Variants in LAMA3 observed in about 807,000 individuals in gnomAD.
The protein encoded by LAMA3 is laminin subunit alpha 3, also known as laminin subunit alpha-3.
In LAMA3, 281 loss-of-function variants were observed where a neutral mutation model predicts 402.0. The observed-to-expected ratio is 0.70, with a 90% CI of 0.63 to 0.77. LAMA3 has a LOEUF of 0.77. Ranked by LOEUF, LAMA3 falls within the 30% of genes least tolerant of loss-of-function variation. The pLI is 0.00. For missense variants in LAMA3, 3,840 were observed against 4,215.5 expected, an observed-to-expected ratio of 0.91 and a Z score of 2.47; for synonymous variants, 1,431 against 1,558.4, an observed-to-expected ratio of 0.92 and a Z score of 1.93.
In LAMA3 at chr18:23,915,276, A is replaced by T. The variant is rs1243288823; in HGVS notation, c.7645-13A>T. ...TTGTTCAATTGGTGGAAGATGTTTT[A>T]TTTCATTTTCAGCTTCCCAGTCGAC... On this transcript the variant is annotated splice_polypyrimidine_tract_variant and intron_variant, in intron 58 of 74. Transcript: ENST00000313654. 6.2e-7 allele frequency: 1 copy of T among 1,612,644 alleles called. No individual in the cohort carries two copies. The highest frequency in any genetic ancestry group is 8.5e-7 in the Non-Finnish European group (1 of 1,179,438).
chr18:23,801,686 T>C (rs2062868654), intron 12 of LAMA3, among the ~76,000 whole-genome samples: 3 of 152,234 alleles, frequency 2.0e-5, no homozygotes. Flanking sequence ...TTTCCTTTTC[T>C]TCACATCCTT....
chr18:23,765,647 T>C (rs2062060820), intron 8 of LAMA3, among the ~76,000 whole-genome samples: 1 of 152,160 alleles, frequency 6.6e-6, no homozygotes, highest in African/African-American at 2.4e-5. Context: ...ATGCCCCAGA[T>C]GTTGAAATTA....
In LAMA3 at chr18:23,881,886, AG is replaced by A. The variant is rs781524991; in HGVS notation, c.5113-49del. On this transcript the variant is annotated intron_variant, in intron 39 of 74. Transcript: ENST00000313654. ...TAAGTAAGATTACAATAATCTCAGA[AG>A]TAGGGACTGTACTGGCTGCTGTGAA... The A allele has an allele frequency of 1.2e-5, 14 of 1,174,512 alleles. No individual in the cohort carries two copies. In the African/African-American group the frequency reaches 2.0e-4, roughly 16 times the overall value. The allele number at this position is 1,174,512 out of a possible 1,614,324, so 72.8% of individuals were successfully genotyped here.
At position 23,921,587 on chromosome 18, in the gene LAMA3, TA is replaced by T. The variant is rs2081841228; in HGVS notation, c.8177+4del. ...AATTCCAATTGCAATCAGGGAAAGG[TA>T]AGATGATTTTTTTAAAACGAGATTT... On this transcript the variant is annotated splice_donor_region_variant and intron_variant, in intron 62 of 74. Coordinates refer to ENST00000313654, the MANE Select transcript of LAMA3 (RefSeq NM_198129.4). The T allele has an allele frequency of 6.2e-7, 1 of 1,613,730 alleles. No homozygotes were observed. Among genetic ancestry groups the T allele is most frequent in the Non-Finnish European group, 8.5e-7 (1 of 1,179,846 alleles).
intron 42 of LAMA3, among the ~76,000 whole-genome samples, chr18:23,892,283 A>G (rs534756565): frequency 6.6e-6 from 1 of 152,342 alleles, no homozygotes; most frequent in East Asian, 1.9e-4. Flanking sequence ...AAAAATCAGC[A>G]ACATGAAATG....
rs1395315779 is a variant in LAMA3 at position 23,946,136 on chromosome 18, C to T, written c.9211-8C>T. The T allele has an allele frequency of 1.9e-6, 3 of 1,613,144 alleles. No individual in the cohort carries two copies. The highest frequency in any genetic ancestry group is 1.3e-5 in the African/African-American group (1 of 74,858). On this transcript the variant is annotated splice_polypyrimidine_tract_variant and splice_region_variant and intron_variant, in intron 69 of 74. Transcript: ENST00000313654. ...AAATACAACTCACGTATCTTTCTTACTCTGAAGGTGGTGTTTGGCCATGAT... is the reference window on the plus strand; with the variant it reads ...AAATACAACTCACGTATCTTTCTTATTCTGAAGGTGGTGTTTGGCCATGAT...
intron 23 of LAMA3, among the ~76,000 whole-genome samples, chr18:23,830,633 A>T (rs2063473944): frequency 1.3e-5 from 2 of 152,172 alleles, no homozygotes; most frequent in South Asian, 4.2e-4. Context: ...TAATTTAAAA[A>T]TTAACGACAA....
chr18:23,932,429 C>G (rs888363432), intron 66 of LAMA3, 138 bp downstream of exon 66: 2 of 973,198 alleles, frequency 2.1e-6, no homozygotes, highest in African/African-American at 3.2e-5. Context: ...TTCAAAATGC[C>G]ATCTTTGGCA....
At chr18:23,849,149 T>C (rs2063889787) in intron 32 of LAMA3, among the ~76,000 whole-genome samples, 1 of 152,234 alleles carries the variant, frequency 6.6e-6, no homozygotes, top group South Asian at 2.1e-4. Context: ...GGGTAGAACT[T>C]GGACAGATCT....
chr18:23,860,265 T>TA (rs935866212), intron 34 of LAMA3, among the ~76,000 whole-genome samples: 1 of 144,878 alleles, frequency 6.9e-6, no homozygotes, highest in Non-Finnish European at 1.5e-5. Context: ...TCTTTTCTTT[T>TA]TTTTTTTTTT....
intron 5 of LAMA3, 43 bp from the exon 6 acceptor site, chr18:23,753,678 C>A: frequency 6.7e-7 from 1 of 1,484,686 alleles, no homozygotes; most frequent in Non-Finnish European, 9.4e-7. Flanking sequence ...AAGTTTTTGT[C>A]ACTGTTCAGT....
intron 2 of LAMA3, among the ~76,000 whole-genome samples, chr18:23,722,120 T>A (rs1165670134): frequency 1.3e-5 from 2 of 152,242 alleles, no homozygotes; most frequent in Non-Finnish European, 2.9e-5. Context: ...CTATGCTATG[T>A]CAGTAGAGAC....
At chr18:23,914,320 T>C (rs1053472264) in intron 56 of LAMA3, 90 bp from the exon 57 acceptor site, 1 of 1,349,772 alleles carries the variant, frequency 7.4e-7, no homozygotes, top group African/African-American at 1.4e-5. Flanking sequence ...CTAAAACCCA[T>C]TAGTTATTTG....
intron 58 of LAMA3, 130 bp downstream of exon 58, chr18:23,914,990 A>G: frequency 1.2e-6 from 1 of 807,178 alleles, no homozygotes; most frequent in Non-Finnish European, 2.0e-6. Flanking sequence ...CACATTCTAG[A>G]GATACTAGCT....
At chr18:23,887,676 G>A (rs953100416) in intron 41 of LAMA3, among the ~76,000 whole-genome samples, 3 of 152,198 alleles carry the variant, frequency 2.0e-5, no homozygotes. Context: ...GGACAGTCAA[G>A]GGTGAAAAGC....
chr18:23,918,349 T>A lies in LAMA3; in HGVS notation c.7923+1654T>A, dbSNP rs2081710472. Among the ~76,000 whole-genome samples, 1 of 152,206 alleles carries A rather than the reference T, an allele frequency of 6.6e-6. No homozygotes were observed. Among genetic ancestry groups the A allele is most frequent in the Non-Finnish European group, 1.5e-5 (1 of 68,040 alleles). On this transcript the variant is annotated intron_variant, in intron 60 of 74. Transcript: ENST00000313654. This position sits in a 1 kb window ranked among gnomAD's most constrained non-coding sequence, Gnocchi z 4.1. The stretch of plus-strand genomic sequence containing the variant: ...GTTCTATTCTCATTATCAGTTTTGT[T>A]ATTTGAGAACCACTGCTTGCCTAAG...
At position 23,899,277 on chromosome 18, in the gene LAMA3, A is replaced by G. The variant is rs778086584; in HGVS notation, c.5837-11A>G. On this transcript the variant is annotated splice_polypyrimidine_tract_variant and intron_variant, in intron 46 of 74. Coordinates refer to ENST00000313654, the MANE Select transcript of LAMA3 (RefSeq NM_198129.4). ...AATTCCCAGTCTAATAGACCACTTG[A>G]TGTTTCCTAGTTCTTTTAAAGCAGA... is the stretch of plus-strand genomic sequence containing the variant. 1.9e-6 allele frequency: 3 copies of G among 1,612,390 alleles called. No homozygotes were observed. The highest frequency in any genetic ancestry group is 1.7e-5 in the Admixed American group (1 of 59,880).
At chr18:23,860,261 CTT>C (rs59852195) in intron 34 of LAMA3, among the ~76,000 whole-genome samples, 2,428 of 112,496 alleles carry the variant, frequency 0.022, 30 homozygotes, top group African/African-American at 0.081. Context: ...CTTTTCTTTT[CTT>C]TTTTTTTTTT....
At chr18:23,692,052 C>T (rs1049092388) in intron 1 of LAMA3, among the ~76,000 whole-genome samples, 3 of 152,210 alleles carry the variant, frequency 2.0e-5, no homozygotes, top group Admixed American at 1.3e-4. Flanking sequence ...GGTGACAGCA[C>T]AGCATTGAAG....
Sources: gnomAD v4.1 joint callset for allele counts (sites outside exome capture counted in the v4.1 genomes callset) on GRCh38, gnomAD v4.1.1 for gene constraint, Gnocchi (gnomAD v3.1) non-coding constraint, MANE v1.5 for transcripts, NCBI Gene and HGNC (gene_info 2026-07-23, HGNC 2026-07-21) for gene names.